The following SYT2 variants were observed in gnomAD, a reference collection of about 807,000 sequenced individuals.
SYT2 encodes the protein synaptotagmin 2.
In SYT2, 15 loss-of-function variants were observed where a neutral mutation model predicts 39.9. That is an observed-to-expected ratio of 0.38 (90% CI 0.25 to 0.58). The LOEUF (loss-of-function observed/expected upper bound fraction) is 0.58. Ranked by LOEUF, SYT2 falls within the 20% of genes least tolerant of loss-of-function variation. The probability of loss-of-function intolerance (pLI) is 0.70; values close to 1 mark genes in which losing one functional copy is unlikely to be tolerated. For synonymous variants in SYT2, 181 were observed against 204.5 expected (o/e 0.89, Z 0.98); for missense variants, 389 against 530.3 (o/e 0.73, Z 2.62).
chr1:202,618,802 A>T (rs1691121812), intron 1 of SYT2, among the ~76,000 whole-genome samples: 1 of 152,114 alleles, frequency 6.6e-6, no homozygotes, highest in Non-Finnish European at 1.5e-5. Flanking sequence ...AGTAGCTGAG[A>T]GACCAAGATT....
At chr1:202,664,463 T>A (rs1473502202) in intron 1 of SYT2, among the ~76,000 whole-genome samples, 4 of 152,222 alleles carry the variant, frequency 2.6e-5, no homozygotes, top group African/African-American at 9.7e-5. Flanking sequence ...GTATATGCAC[T>A]TTCCCACCAC....
chr1:202,625,958 G>A (rs752322890), intron 1 of SYT2, among the ~76,000 whole-genome samples: 24 of 152,350 alleles, frequency 1.6e-4, no homozygotes, highest in Admixed American at 5.9e-4. Context: ...GTGTGTGCAC[G>A]TGAACGCCAT....
intron 1 of SYT2, among the ~76,000 whole-genome samples, chr1:202,609,186 G>A (rs1690806899): frequency 6.6e-6 from 1 of 151,666 alleles, no homozygotes; most frequent in Admixed American, 6.6e-5. Context: ...CTTCATCCAT[G>A]TCCCTACAAA....
At chr1:202,673,435 G>T (rs1247286296) in intron 1 of SYT2, among the ~76,000 whole-genome samples, 1 of 152,204 alleles carries the variant, frequency 6.6e-6, no homozygotes. Context: ...AACCAAAAAT[G>T]TATCAATGTT....
chr1:202,605,738 AT>A lies in SYT2; in HGVS notation c.34del (p.Ile12LeufsTer36), dbSNP rs1558426177. On this transcript the variant is annotated frameshift_variant, in exon 2 of 9. Transcript: ENST00000367268. LOFTEE classifies it high-confidence loss of function. ...RNIFKRNQEP[I>X]VAPATTTATM... ...GGCGGTGGTGGTGGCAGGAGCCACA[AT>A]AGGCTCCTGGTTCCTCTTGAAAATG... The A allele has an allele frequency of 6.2e-7, 1 of 1,614,060 alleles. No individual in the cohort carries two copies. The highest frequency in any genetic ancestry group is 1.1e-5 in the South Asian group (1 of 91,078).
chr1:202,600,312 G>T, intron 7 of SYT2, 45 bp downstream of exon 7: 1 of 1,530,504 alleles, frequency 6.5e-7, no homozygotes, highest in Non-Finnish European at 9.0e-7. Context: ...GGTGCTGACT[G>T]GCTCGCTGGT....
chr1:202,645,260 A>G (rs1692057300), intron 1 of SYT2, among the ~76,000 whole-genome samples: 1 of 152,160 alleles, frequency 6.6e-6, no homozygotes, highest in African/African-American at 2.4e-5. Flanking sequence ...GTCATCCCAC[A>G]CTGAGGAGGG....
chr1:202,655,738 C>T (rs1294924113), intron 1 of SYT2, among the ~76,000 whole-genome samples: 1 of 152,146 alleles, frequency 6.6e-6, no homozygotes, highest in Non-Finnish European at 1.5e-5. Context: ...GCTTGCGAGG[C>T]TGAGGGAGGG....
At position 202,690,958 on chromosome 1, in the gene SYT2, C is replaced by A. The variant is rs573338216; in HGVS notation, c.-18+19300G>T. ...TGCTTTTCAGGTCCAGACTTGACCA[C>A]GGATACTCCTGGTATTTGAGGTTTA... is the stretch of plus-strand genomic sequence containing the variant. On this transcript the variant is annotated intron_variant, in intron 1 of 8. Coordinates refer to ENST00000367268, the MANE Select transcript of SYT2 (RefSeq NM_177402.5). Among the ~76,000 whole-genome samples, 6 of 152,090 alleles carry A rather than the reference C, an allele frequency of 3.9e-5. No homozygotes were observed. The South Asian group carries it at 1.2e-3, about 32-fold the overall frequency.
rs1202290271 is a variant in SYT2 at position 202,601,626 on chromosome 1, G to T, written c.801+264C>A. 6.6e-6 allele frequency among the ~76,000 whole-genome samples: 1 copy of T among 152,198 alleles called. No homozygotes were observed. On this transcript the variant is annotated intron_variant, in intron 6 of 8. Transcript: ENST00000367268. This position sits in a 1 kb window ranked among gnomAD's most constrained non-coding sequence, Gnocchi z 4.0. ...ATAATAATGGTGTTTTTATTTATTT[G>T]AGTACCTACCAAATACCAGTCGCTG...
intron 1 of SYT2, among the ~76,000 whole-genome samples, chr1:202,617,424 C>T (rs556349689): frequency 6.6e-6 from 1 of 152,048 alleles, no homozygotes; most frequent in Non-Finnish European, 1.5e-5. Context: ...GAAGTGCTGG[C>T]TCCCTCTTCA....
At position 202,642,213 on chromosome 1, in the gene SYT2, T is replaced by C. The variant is rs565942931; in HGVS notation, c.-17-36424A>G. 1.7e-3 allele frequency among the ~76,000 whole-genome samples: 263 copies of C among 152,246 alleles called. 3 individuals are homozygous for C. Among genetic ancestry groups the C allele is most frequent in the African/African-American group, 6.1e-3 (254 of 41,564 alleles). ...AGAATGGAAGCTTTCGGACTCTCCC[T>C]GGGGCGCTGCGTTCACAGCTCCACT... is the stretch of plus-strand genomic sequence containing the variant. On this transcript the variant is annotated intron_variant, in intron 1 of 8. Coordinates refer to ENST00000367268, the MANE Select transcript of SYT2 (RefSeq NM_177402.5).
Position 202,599,312 on chromosome 1 carries a change from C to T in SYT2, c.959G>A (p.Arg320Lys), listed in dbSNP as rs1690414128. 1 of 1,608,448 alleles carries T rather than the reference C, an allele frequency of 6.2e-7. No homozygotes were observed. Among genetic ancestry groups the T allele is most frequent in the Admixed American group, 1.7e-5 (1 of 58,636 alleles). Residue 320 changes from arginine to lysine, a missense_variant, in exon 8 of 9, where the codon AGG becomes AAG. Transcript: ENST00000367268. This position sits in a 1 kb window ranked among gnomAD's most constrained non-coding sequence, Gnocchi z 4.4. ...CACGGTTGTCTTCTTCTTCTTGAGC[C>T]TCTTGCCATTCTGCATCAGGTGGAT... The part of the protein sequence containing the change: ...VKIHLMQNGK[R>K]LKKKKTTVKK...
intron 6 of SYT2, 92 bp from the exon 7 acceptor site, chr1:202,600,566 G>T: frequency 8.8e-7 from 1 of 1,135,790 alleles, no homozygotes; most frequent in Non-Finnish European, 1.3e-6. Flanking sequence ...TAGCAAGGCA[G>T]TGATGTGTCC....
intron 1 of SYT2, among the ~76,000 whole-genome samples, chr1:202,647,563 C>G (rs1692112377): frequency 6.6e-6 from 1 of 152,150 alleles, no homozygotes; most frequent in Non-Finnish European, 1.5e-5. Context: ...GAAACCTCAC[C>G]CCTGCCCCCA....
At chr1:202,649,868 C>A (rs999614743) in intron 1 of SYT2, among the ~76,000 whole-genome samples, 1 of 152,196 alleles carries the variant, frequency 6.6e-6, no homozygotes, top group Non-Finnish European at 1.5e-5. Context: ...TCTGTGGAGG[C>A]GCTAAAACCC....
chr1:202,639,673 G>T (rs1691846320), intron 1 of SYT2: 45 of 985,428 alleles, frequency 4.6e-5, no homozygotes, highest in Non-Finnish European at 5.2e-5. Flanking sequence ...GGAGCCTTTT[G>T]TCAGCCACAC....
rs183919799 is a variant in SYT2, at chr1:202,686,513, C to T, written c.-18+23745G>A. ...GAAGGTGGATCCCTAATGCCTATGT[C>T]CCACTGGCCTGAGAAAGAAGTGGCA... On this transcript the variant is annotated intron_variant, in intron 1 of 8. Coordinates refer to ENST00000367268, the MANE Select transcript of SYT2 (RefSeq NM_177402.5). Among the ~76,000 whole-genome samples the T allele has an allele frequency of 2.3e-3, 355 of 152,274 alleles. 3 individuals are homozygous for T. Among genetic ancestry groups the T allele is most frequent in the South Asian group, 0.013 (63 of 4,816 alleles).
chr1:202,661,531 C>T (rs1051556729), intron 1 of SYT2, among the ~76,000 whole-genome samples: 1 of 152,176 alleles, frequency 6.6e-6, no homozygotes. Context: ...GTCAGGCCAT[C>T]GATAACATTC....
Sources: allele counts gnomAD v4.1 joint callset (sites outside exome capture counted in the v4.1 genomes callset), GRCh38; gene constraint gnomAD v4.1.1; non-coding constraint Gnocchi (gnomAD v3.1); transcripts MANE v1.5; gene names NCBI Gene and HGNC (gene_info 2026-07-23, HGNC 2026-07-21).